NKAIN2: variants seen among roughly 807,000 people sequenced by gnomAD.
The protein encoded by NKAIN2 is sodium/potassium transporting ATPase interacting 2, also known as sodium/potassium-transporting ATPase subunit beta-1-interacting protein 2.
NKAIN2 carries 14 observed loss-of-function variants against 32.6 expected under a neutral mutation model. The observed-to-expected ratio is 0.43, with a 90% CI of 0.28 to 0.67. The LOEUF (loss-of-function observed/expected upper bound fraction) is 0.67, where lower values mean the gene tolerates loss of function less well. Ranked by LOEUF, NKAIN2 falls within the 30% of genes least tolerant of loss-of-function variation. The pLI, the probability that NKAIN2 is intolerant of heterozygous loss-of-function variation, is 0.17. For synonymous variants in NKAIN2, 80 were observed against 87.2 expected, an observed-to-expected ratio of 0.92 and a Z score of 0.46; for missense variants, 198 against 258.3, an observed-to-expected ratio of 0.77 and a Z score of 1.60.
At chr6:124,215,468 C>A (rs757660564) in intron 1 of NKAIN2, among the ~76,000 whole-genome samples, 2 of 152,044 alleles carry the variant, frequency 1.3e-5, no homozygotes, top group Admixed American at 6.6e-5. Flanking sequence ...TAACATGATA[C>A]ATTATGTGGA....
chr6:123,932,692 C>T (rs1776310859), intron 1 of NKAIN2, among the ~76,000 whole-genome samples: 1 of 151,904 alleles, frequency 6.6e-6, no homozygotes, highest in Admixed American at 6.6e-5. Flanking sequence ...GCTGGGATTA[C>T]AGGCGTGAGC....
chr6:124,599,260 A>G (rs1254072016), intron 3 of NKAIN2, among the ~76,000 whole-genome samples: 4 of 151,796 alleles, frequency 2.6e-5, no homozygotes, highest in East Asian at 3.9e-4. Context: ...AAAAAAAGCA[A>G]TAAGATAAAC....
At chr6:124,728,801 A>G (rs1776475387) in intron 4 of NKAIN2, among the ~76,000 whole-genome samples, 2 of 152,180 alleles carry the variant, frequency 1.3e-5, no homozygotes, top group African/African-American at 4.8e-5. Context: ...CAAAATTGAT[A>G]GACCGCTAGC....
At chr6:124,633,565 C>G (rs554752610) in intron 3 of NKAIN2, among the ~76,000 whole-genome samples, 1 of 152,270 alleles carries the variant, frequency 6.6e-6, no homozygotes, top group African/African-American at 2.4e-5. Context: ...TTATTACCAT[C>G]TTGTGGTCAT....
At chr6:124,720,337 C>T (rs901460770) in intron 4 of NKAIN2, among the ~76,000 whole-genome samples, 1 of 152,062 alleles carries the variant, frequency 6.6e-6, no homozygotes, top group African/African-American at 2.4e-5. Context: ...CACCTTTACC[C>T]GCAATTGACA....
chr6:123,853,061 A>G (rs1775416398), intron 1 of NKAIN2, among the ~76,000 whole-genome samples: 1 of 152,244 alleles, frequency 6.6e-6, no homozygotes, highest in East Asian at 1.9e-4. Flanking sequence ...AATAAGCACT[A>G]TGATTCAGAG....
At chr6:123,838,752 C>G (rs1417905741) in intron 1 of NKAIN2, among the ~76,000 whole-genome samples, 1 of 152,006 alleles carries the variant, frequency 6.6e-6, no homozygotes, top group Non-Finnish European at 1.5e-5. Context: ...AGGGGACCAG[C>G]GCATCTTTTT....
intron 1 of NKAIN2, among the ~76,000 whole-genome samples, chr6:124,028,021 A>G (rs528963487): frequency 7.9e-5 from 12 of 152,264 alleles, no homozygotes; most frequent in African/African-American, 2.4e-4. Flanking sequence ...GTCTAACACT[A>G]TAATGATACT....
At chr6:124,457,113 G>T (rs1420386813) in intron 3 of NKAIN2, among the ~76,000 whole-genome samples, 1 of 151,872 alleles carries the variant, frequency 6.6e-6, no homozygotes, top group African/African-American at 2.4e-5. Context: ...TTCACAGGAG[G>T]TAGGGCTACA....
intron 1 of NKAIN2, among the ~76,000 whole-genome samples, chr6:124,089,658 G>A (rs1265271560): frequency 6.6e-6 from 1 of 151,862 alleles, no homozygotes; most frequent in Non-Finnish European, 1.5e-5. Flanking sequence ...CTGAACCCGG[G>A]TGCCTACCTC....
chr6:124,105,107 G>A (rs537949824), intron 1 of NKAIN2, among the ~76,000 whole-genome samples: 2 of 152,348 alleles, frequency 1.3e-5, no homozygotes, highest in South Asian at 4.1e-4. Context: ...TCAGCAGGAT[G>A]ATATAGCCGT....
At chr6:124,433,181 G>A (rs546942634) in intron 3 of NKAIN2, among the ~76,000 whole-genome samples, 7 of 152,220 alleles carry the variant, frequency 4.6e-5, no homozygotes, top group East Asian at 3.9e-4. Flanking sequence ...GAAATTAGGC[G>A]GTGGAAGCAC....
At chr6:124,222,473 A>G (rs2114700936) in intron 1 of NKAIN2, among the ~76,000 whole-genome samples, 1 of 152,332 alleles carries the variant, frequency 6.6e-6, no homozygotes, top group African/African-American at 2.4e-5. Flanking sequence ...GCAATTTAAA[A>G]TAGAGTAGTC....
At chr6:124,044,938 C>A in intron 1 of NKAIN2, among the ~76,000 whole-genome samples, 1 of 151,860 alleles carries the variant, frequency 6.6e-6, no homozygotes, top group Middle Eastern at 3.2e-3. Flanking sequence ...ATAAGTAAGT[C>A]TTTTACTTTT....
chr6:124,584,670 A>AAGACATAC (rs1781646315), intron 3 of NKAIN2, among the ~76,000 whole-genome samples: 2 of 151,278 alleles, frequency 1.3e-5, no homozygotes. Flanking sequence ...AAAAAAAAAA[A>AAGACATAC]AAAGACATAC....
At chr6:124,403,030 G>A (rs558519714) in intron 3 of NKAIN2, among the ~76,000 whole-genome samples, 2 of 152,108 alleles carry the variant, frequency 1.3e-5, no homozygotes, top group Non-Finnish European at 2.9e-5. Flanking sequence ...ATAGAATCAG[G>A]TTGGTAAATG....
At chr6:124,723,244 T>C (rs1247810722) in intron 4 of NKAIN2, among the ~76,000 whole-genome samples, 3 of 152,232 alleles carry the variant, frequency 2.0e-5, no homozygotes, top group Non-Finnish European at 4.4e-5. Flanking sequence ...TACCTCTAGA[T>C]GTATAATTTT....
At chr6:124,124,363 G>A (rs1425294244) in intron 1 of NKAIN2, among the ~76,000 whole-genome samples, 1 of 76,982 alleles carries the variant, frequency 1.3e-5, no homozygotes. Context: ...TGCTCTTCCA[G>A]TTAAACACAG....
At chr6:124,453,817 A>G (rs1776212676) in intron 3 of NKAIN2, among the ~76,000 whole-genome samples, 1 of 152,104 alleles carries the variant, frequency 6.6e-6, no homozygotes, top group African/African-American at 2.4e-5. Context: ...TTTTTAAGTC[A>G]CAATGATTAA....
Sources: gnomAD v4.1 joint callset for allele counts (sites outside exome capture counted in the v4.1 genomes callset) on GRCh38, gnomAD v4.1.1 for gene constraint, MANE v1.5 for transcripts, NCBI Gene and HGNC (gene_info 2026-07-23, HGNC 2026-07-21) for gene names.